Variants in PXK observed in about 807,000 individuals in gnomAD.
The protein encoded by PXK is PX domain-containing protein kinase-like protein.
Under a neutral mutation model 84.7 loss-of-function variants are expected in PXK, and 35 were observed. The ratio of observed to expected loss-of-function variants is 0.41; its 90% CI spans 0.32 to 0.55. The LOEUF (loss-of-function observed/expected upper bound fraction) is 0.55. Among genes scored for constraint, PXK ranks in the 20% least tolerant of loss-of-function variants. The pLI, the probability that PXK is intolerant of heterozygous loss-of-function variation, is 0.21. For missense variants in PXK, 634 were observed against 699.7 expected (o/e 0.91, Z 1.06); for synonymous variants, 253 against 260.8 (o/e 0.97, Z 0.29).
Position 58,333,152 on chromosome 3 carries a change from G to T in PXK, c.102+62G>T. On this transcript the variant is annotated intron_variant, in intron 1 of 17. Coordinates refer to ENST00000356151, the MANE Select transcript of PXK (RefSeq NM_017771.5). This position sits in a 1 kb window ranked among gnomAD's most constrained non-coding sequence, Gnocchi z 5.4. ...GGCCCCGGGCCGCGAGGGGGCTGCGGGCTGCCTGGCGCGGGCCGGGCAGGG... is the reference window on the plus strand; with the variant it reads ...GGCCCCGGGCCGCGAGGGGGCTGCGTGCTGCCTGGCGCGGGCCGGGCAGGG... 1.0e-6 allele frequency: 1 copy of T among 961,088 alleles called. No homozygotes were observed. The allele number at this position is 961,088 out of a possible 1,614,324, so 59.5% of individuals were successfully genotyped here. A position where few individuals can be genotyped will look rare whatever the true frequency, so the allele number is the denominator to read the frequency against.
Position 58,426,068 on chromosome 3 carries a change from T to C in PXK, c.*1108T>C, listed in dbSNP as rs919045406. On this transcript the variant is annotated 3_prime_UTR_variant, in exon 18 of 18. Coordinates refer to ENST00000356151, the MANE Select transcript of PXK (RefSeq NM_017771.5). ...CAAGATATTTCAAATGAGAACTTTT[T>C]GTAGCGTCTGTTGTTAGCAAAGAAT... The C allele has an allele frequency of 1.3e-5, 2 of 152,238 alleles. No individual in the cohort carries two copies. The highest frequency in any genetic ancestry group is 2.4e-5 in the African/African-American group (1 of 41,464). The allele number at this position is 152,238 out of a possible 1,614,324, so 9.4% of individuals were successfully genotyped here. A position where few individuals can be genotyped will look rare whatever the true frequency, so the allele number is the denominator to read the frequency against.
intron 3 of PXK, among the ~76,000 whole-genome samples, chr3:58,381,878 A>C (rs535150959): frequency 6.6e-6 from 1 of 152,248 alleles, no homozygotes; most frequent in South Asian, 2.1e-4. Flanking sequence ...AGGGGAGCAG[A>C]GAATGGTTAT....
intron 1 of PXK, among the ~76,000 whole-genome samples, chr3:58,346,184 G>A (rs2097813829): frequency 6.6e-6 from 1 of 152,158 alleles, no homozygotes; most frequent in African/African-American, 2.4e-5. Context: ...GCCAATTGTG[G>A]GGCCTCTTGG....
chr3:58,423,300 A>C, intron 17 of PXK: 6 of 967,294 alleles, frequency 6.2e-6, no homozygotes, highest in Non-Finnish European at 6.1e-6. Context: ...AATCCACCTT[A>C]GCATAAAACA....
At chr3:58,374,168 T>C (rs2098416815) in intron 3 of PXK, among the ~76,000 whole-genome samples, 2 of 145,682 alleles carry the variant, frequency 1.4e-5, no homozygotes, top group South Asian at 4.3e-4. Context: ...TTCCATTTTC[T>C]TTCTTTTTTT....
intron 9 of PXK, among the ~76,000 whole-genome samples, chr3:58,396,682 T>C (rs1560061127): frequency 6.6e-6 from 1 of 152,238 alleles, no homozygotes; most frequent in Non-Finnish European, 1.5e-5. Context: ...GCTTCACTCA[T>C]CTATGCAGGA....
At chr3:58,392,829 T>G (rs2098644856) in intron 7 of PXK, among the ~76,000 whole-genome samples, 1 of 151,806 alleles carries the variant, frequency 6.6e-6, no homozygotes, top group Non-Finnish European at 1.5e-5. Flanking sequence ...ACCCAGCTAA[T>G]TTTTGTATTT....
intron 1 of PXK, among the ~76,000 whole-genome samples, chr3:58,343,723 T>C (rs941759357): frequency 6.6e-6 from 1 of 152,214 alleles, no homozygotes; most frequent in Non-Finnish European, 1.5e-5. Context: ...TGATTCAATT[T>C]CAAACTAGCC....
chr3:58,348,597 T>C (rs1444545841), intron 1 of PXK, among the ~76,000 whole-genome samples: 1 of 152,168 alleles, frequency 6.6e-6, no homozygotes, highest in Non-Finnish European at 1.5e-5. Flanking sequence ...TATTATAATT[T>C]CAACATGGAA....
At chr3:58,384,932 A>G (rs2098538791) in intron 4 of PXK, among the ~76,000 whole-genome samples, 1 of 152,156 alleles carries the variant, frequency 6.6e-6, no homozygotes, top group Admixed American at 6.5e-5. Flanking sequence ...CTTTTCATGA[A>G]TGAGTTCACC....
Position 58,395,645 on chromosome 3 carries a change from T to C in PXK, c.721-13T>C, listed in dbSNP as rs1490591578. ...CTGCTGCTTTCTTACGTGTTCTTTG[T>C]TCTTTTCCAAAGGCAAAACCAAAAG... is the stretch of plus-strand genomic sequence containing the variant. On this transcript the variant is annotated splice_polypyrimidine_tract_variant and intron_variant, in intron 8 of 17. Transcript: ENST00000356151. 5.7e-6 allele frequency: 9 copies of C among 1,591,920 alleles called. No individual in the cohort carries two copies. Among genetic ancestry groups the C allele is most frequent in the Admixed American group, 1.7e-5 (1 of 59,546 alleles).
intron 3 of PXK, among the ~76,000 whole-genome samples, chr3:58,376,427 A>G (rs958993057): frequency 9.9e-5 from 15 of 152,072 alleles, no homozygotes; most frequent in African/African-American, 3.4e-4. Flanking sequence ...AAATAAATAA[A>G]TAAATAAAAT....
At chr3:58,396,837 A>G (rs1224755789) in intron 9 of PXK, among the ~76,000 whole-genome samples, 1 of 152,250 alleles carries the variant, frequency 6.6e-6, no homozygotes, top group African/African-American at 2.4e-5. Flanking sequence ...CTGATGTTGC[A>G]TCTCACAGCC....
At chr3:58,340,466 C>T (rs1256712215) in intron 1 of PXK, among the ~76,000 whole-genome samples, 3 of 150,954 alleles carry the variant, frequency 2.0e-5, no homozygotes, top group Non-Finnish European at 4.4e-5. Context: ...GTGGCTCACA[C>T]CTGTAATCCC....
chr3:58,332,926 C>A lies in PXK; in HGVS notation c.-63C>A. The A allele has an allele frequency of 9.3e-7, 1 of 1,074,994 alleles. No individual in the cohort carries two copies. The highest frequency in any genetic ancestry group is 1.2e-6 in the Non-Finnish European group (1 of 834,706). 66.6% of individuals were successfully genotyped at this position (1,074,994 alleles called of 1,614,324 possible). A position where few individuals can be genotyped will look rare whatever the true frequency, so the allele number is the denominator to read the frequency against. On this transcript the variant is annotated 5_prime_UTR_variant, in exon 1 of 18. Transcript: ENST00000356151. This position sits in a 1 kb window ranked among gnomAD's most constrained non-coding sequence, Gnocchi z 5.6. ...GGCGGCGGTGGAACCGGGCGGGCGGCGGGAGTCGGCGCCTCGGGTTCCTAC... is the reference window on the plus strand; with the variant it reads ...GGCGGCGGTGGAACCGGGCGGGCGGAGGGAGTCGGCGCCTCGGGTTCCTAC...
At chr3:58,388,701 T>A (rs1014454741) in intron 4 of PXK, among the ~76,000 whole-genome samples, 1 of 152,174 alleles carries the variant, frequency 6.6e-6, no homozygotes, top group African/African-American at 2.4e-5. Flanking sequence ...TCTGAGTAGA[T>A]GCCAATGACA....
chr3:58,342,203 G>A (rs1234846684), intron 1 of PXK, among the ~76,000 whole-genome samples: 2 of 151,956 alleles, frequency 1.3e-5, no homozygotes, highest in African/African-American at 2.4e-5. Flanking sequence ...TTAGCTCTTC[G>A]GGCCCAACTC....
At chr3:58,408,258 A>C (rs1042730560) in intron 13 of PXK, among the ~76,000 whole-genome samples, 2 of 152,162 alleles carry the variant, frequency 1.3e-5, no homozygotes, top group African/African-American at 4.8e-5. Flanking sequence ...TCAGTACCAC[A>C]CTGTTTTAAT....
intron 1 of PXK, among the ~76,000 whole-genome samples, chr3:58,349,787 C>T (rs141106134): frequency 0.013 from 2,041 of 152,304 alleles, 22 homozygotes; most frequent in Non-Finnish European, 0.022. Context: ...ATCCACATTC[C>T]AAGAGCTCAG....
Sources: gnomAD v4.1 joint callset for allele counts (sites outside exome capture counted in the v4.1 genomes callset) on GRCh38, gnomAD v4.1.1 for gene constraint, Gnocchi (gnomAD v3.1) non-coding constraint, MANE v1.5 for transcripts, NCBI Gene and HGNC (gene_info 2026-07-23, HGNC 2026-07-21) for gene names.